CAMTA1: variants seen among roughly 807,000 people sequenced by gnomAD.
CAMTA1 encodes the protein calmodulin-binding transcription activator 1.
A neutral mutation model predicts 170.9 loss-of-function variants in CAMTA1; 27 were observed. That is an observed-to-expected ratio of 0.16 (90% CI 0.12 to 0.22). The LOEUF (loss-of-function observed/expected upper bound fraction) is 0.22, where lower values mean the gene tolerates loss of function less well. Among genes scored for constraint, CAMTA1 ranks in the 10% least tolerant of loss-of-function variants. The pLI, the probability that CAMTA1 is intolerant of heterozygous loss-of-function variation, is 1.00. For missense variants in CAMTA1, 1,619 were observed against 2,217.2 expected (o/e 0.73, Z 5.42); for synonymous variants, 833 against 891.5 (o/e 0.93, Z 1.17).
intron 4 of CAMTA1, among the ~76,000 whole-genome samples, chr1:7,145,620 C>A (rs1333227420): frequency 6.6e-6 from 1 of 152,076 alleles, no homozygotes; most frequent in Non-Finnish European, 1.5e-5. Flanking sequence ...GGCAAAGACA[C>A]AGGAAAATGA....
rs564099437 is a variant in CAMTA1, at chr1:7,657,998, C to G, written c.665-3728C>G. 3.3e-5 allele frequency among the ~76,000 whole-genome samples: 5 copies of G among 152,304 alleles called. No individual in the cohort carries two copies. The East Asian group carries it at 9.7e-4, about 29-fold the overall frequency. ...GAAACCTGGCCTGATCGGCGGTTGT[C>G]AGAGCAGAGGGGACCCTGATCTGAA... On this transcript the variant is annotated intron_variant, in intron 7 of 22. Transcript: ENST00000303635.
chr1:7,218,460 G>C (rs1660150218), intron 4 of CAMTA1, among the ~76,000 whole-genome samples: 1 of 152,068 alleles, frequency 6.6e-6, no homozygotes, highest in South Asian at 2.1e-4. Flanking sequence ...GTTTCTTTAT[G>C]ACTGGTTTTT....
rs144513508 is a variant in CAMTA1, at chr1:7,345,024, T to C, written c.438+95398T>C. ...CCTCGGCCTCCCAAAGTGCTGGGAT[T>C]ACAGGTGTGAGCCACCGCGCCCAGC... On this transcript the variant is annotated intron_variant, in intron 5 of 22. Transcript: ENST00000303635. Among the ~76,000 whole-genome samples, 804 of 152,240 alleles carry C rather than the reference T, an allele frequency of 5.3e-3. 8 individuals carry two copies. Among genetic ancestry groups the C allele is most frequent in the African/African-American group, 0.018 (762 of 41,546 alleles).
At chr1:7,489,182 G>A (rs959613511) in intron 6 of CAMTA1, among the ~76,000 whole-genome samples, 1 of 151,050 alleles carries the variant, frequency 6.6e-6, no homozygotes, top group African/African-American at 2.5e-5. Context: ...GCCTGGGAAG[G>A]GGGGCCATGA....
At chr1:7,502,469 G>C (rs532893661) in intron 6 of CAMTA1, among the ~76,000 whole-genome samples, 2 of 152,350 alleles carry the variant, frequency 1.3e-5, no homozygotes, top group South Asian at 2.1e-4. Flanking sequence ...CCAAGTGTTT[G>C]TTTGGTCCCT....
At chr1:7,425,242 T>C in intron 5 of CAMTA1, among the ~76,000 whole-genome samples, 1 of 152,054 alleles carries the variant, frequency 6.6e-6, no homozygotes, top group East Asian at 1.9e-4. Context: ...TCAGAGAAGG[T>C]GCACTGCCCA....
rs149964145 is a variant in CAMTA1 at position 7,249,566 on chromosome 1, G to A, written c.378G>A (p.Lys126=). Residue 126 remains lysine, a synonymous_variant, in exon 5 of 23, where the codon AAG becomes AAA. Transcript: ENST00000303635. The surrounding 1 kb of genome is among the most constrained non-coding windows in gnomAD (Gnocchi z 4.4). ...GGAAAGATGGGTATTGCTGGAAAAA[G>A]AGGAAAGATGGGAAAACGACCAGAG... ...KYRKDGYCWK[K]RKDGKTTRED... 1.9e-6 allele frequency: 3 copies of A among 1,614,144 alleles called. No individual in the cohort carries two copies. The highest frequency in any genetic ancestry group is 2.5e-6 in the Non-Finnish European group (3 of 1,180,028).
intron 6 of CAMTA1, among the ~76,000 whole-genome samples, chr1:7,526,556 G>A (rs1477922759): frequency 6.6e-6 from 1 of 152,224 alleles, no homozygotes; most frequent in Non-Finnish European, 1.5e-5. Flanking sequence ...AGCAGCAAGA[G>A]CCATTGGAAG....
At chr1:7,750,359 C>G (rs1016214987) in intron 19 of CAMTA1, among the ~76,000 whole-genome samples, 1 of 152,196 alleles carries the variant, frequency 6.6e-6, no homozygotes, top group Admixed American at 6.5e-5. Context: ...TTTTTCCTTG[C>G]GACGGTAAGT....
At chr1:7,095,705 G>A (rs939993819) in intron 4 of CAMTA1, among the ~76,000 whole-genome samples, 10 of 152,342 alleles carry the variant, frequency 6.6e-5, no homozygotes, top group African/African-American at 1.2e-4. Flanking sequence ...GTCAGTAAGC[G>A]TGGCTCATAC....
chr1:7,380,280 G>T (rs987125245), intron 5 of CAMTA1, among the ~76,000 whole-genome samples: 1 of 152,190 alleles, frequency 6.6e-6, no homozygotes. Context: ...CCCAAGGAAG[G>T]TTGCCCAGTT....
chr1:7,664,710 G>A lies in CAMTA1; in HGVS notation c.2163G>A (p.Pro721=), dbSNP rs375824798. The A allele has an allele frequency of 1.8e-5, 29 of 1,608,244 alleles. 1 individual carries two copies. Among genetic ancestry groups the A allele is most frequent in the Middle Eastern group, 3.3e-4 (2 of 6,074 alleles). The change falls in exon 9 of 23, where the codon CCG becomes CCA. Residue 721 remains proline (P), a synonymous_variant. Transcript: ENST00000303635. ...GCAGCTCTGAGCACTACCTGCAGCC[G>A]GAGACCAACGGGGTAATCCGAAGCG... is the stretch of plus-strand genomic sequence containing the variant. The part of the protein sequence containing the change: ...QACSSEHYLQ[P]ETNGVIRSAG...
chr1:7,117,824 C>T (rs1644422429), intron 4 of CAMTA1, among the ~76,000 whole-genome samples: 1 of 152,210 alleles, frequency 6.6e-6, no homozygotes, highest in Non-Finnish European at 1.5e-5. Context: ...ATGGCGGACT[C>T]TCTCGCTTCT....
At position 7,751,232 on chromosome 1, in the gene CAMTA1, A is replaced by G. The variant is rs1378784500; in HGVS notation, c.4723A>G (p.Ile1575Val). Residue 1575 changes from isoleucine (I) to valine (V), a missense_variant, in exon 20 of 23, where the codon ATC becomes GTC. Ile to Val is a conservative substitution (Grantham distance 29). Coordinates refer to ENST00000303635, the MANE Select transcript of CAMTA1 (RefSeq NM_015215.4). ...TTATAAAAAGATGACACAGGCTGCC[A>G]TCCTTATCCAGAGCAAATTCCGAAG... ...ALYKKMTQAA[I>V]LIQSKFRSYY... 6.2e-7 allele frequency: 1 copy of G among 1,601,378 alleles called. No homozygotes were observed. Among genetic ancestry groups the G allele is most frequent in the Admixed American group, 1.8e-5 (1 of 55,784 alleles).
At chr1:7,149,326 G>T (rs1266434379) in intron 4 of CAMTA1, among the ~76,000 whole-genome samples, 1 of 152,226 alleles carries the variant, frequency 6.6e-6, no homozygotes, top group African/African-American at 2.4e-5. Flanking sequence ...GGGCACCGTG[G>T]TTCACGGAAG....
At position 7,443,440 on chromosome 1, in the gene CAMTA1, G is replaced by C. The variant is rs2092601558; in HGVS notation, c.439-24390G>C. 6.6e-6 allele frequency among the ~76,000 whole-genome samples: 1 copy of C among 152,210 alleles called. No individual in the cohort carries two copies. The highest frequency in any genetic ancestry group is 6.5e-5 in the Admixed American group (1 of 15,278). ...GCCATGTCAGACGACAGCAGGGAGA[G>C]TGGAAAGTCACCCAGCCCTGGGCAT... is the stretch of plus-strand genomic sequence containing the variant. On this transcript the variant is annotated intron_variant, in intron 5 of 22. Coordinates refer to ENST00000303635, the MANE Select transcript of CAMTA1 (RefSeq NM_015215.4). The surrounding 1 kb of genome is among the most constrained non-coding windows in gnomAD (Gnocchi z 4.1).
chr1:7,165,305 A>G (rs1648146821), intron 4 of CAMTA1, among the ~76,000 whole-genome samples: 1 of 152,220 alleles, frequency 6.6e-6, no homozygotes, highest in Non-Finnish European at 1.5e-5. Context: ...TTCTTGATCA[A>G]ATCTTACCCT....
intron 3 of CAMTA1, among the ~76,000 whole-genome samples, chr1:7,029,614 C>CTT (rs1557995710): frequency 6.6e-6 from 1 of 151,072 alleles, no homozygotes; most frequent in African/African-American, 2.4e-5. Context: ...CTCTCTCTCT[C>CTT]TTTTTTGCAT....
intron 5 of CAMTA1, among the ~76,000 whole-genome samples, chr1:7,263,030 A>C (rs771666662): frequency 1.3e-5 from 2 of 152,096 alleles, no homozygotes; most frequent in African/African-American, 4.8e-5. Context: ...ATTAATGAAT[A>C]CTTTCAGACA....
Sources: gnomAD v4.1 joint callset for allele counts (sites outside exome capture counted in the v4.1 genomes callset) on GRCh38, gnomAD v4.1.1 for gene constraint, Gnocchi (gnomAD v3.1) non-coding constraint, MANE v1.5 for transcripts, NCBI Gene and HGNC (gene_info 2026-07-23, HGNC 2026-07-21) for gene names.